The following CHD9 variants were observed in gnomAD, a reference collection of about 807,000 sequenced individuals.
CHD9 encodes the protein ATP-dependent chromatin remodeler CHD9.
Under a neutral mutation model 316.1 loss-of-function variants are expected in CHD9, and 77 were observed. The ratio of observed to expected loss-of-function variants is 0.24; its 90% CI spans 0.20 to 0.29. The LOEUF is 0.29. Ranked by LOEUF, CHD9 falls within the 10% of genes least tolerant of loss-of-function variation. CHD9 has a pLI of 1.00. For synonymous variants in CHD9, 1,129 were observed against 1,158.3 expected (o/e 0.97, Z 0.51); for missense variants, 2,763 against 3,438.1 (o/e 0.80, Z 4.91).
chr16:53,183,715 A>T (rs1454628194), intron 2 of CHD9, among the ~76,000 whole-genome samples: 1 of 152,142 alleles, frequency 6.6e-6, no homozygotes, highest in Non-Finnish European at 1.5e-5. Flanking sequence ...GGAGTTCGAG[A>T]CCAGCCTAGG....
intron 2 of CHD9, among the ~76,000 whole-genome samples, chr16:53,163,369 C>T (rs1388446133): frequency 6.6e-6 from 1 of 152,142 alleles, no homozygotes; most frequent in Non-Finnish European, 1.5e-5. Flanking sequence ...CGCCACCACG[C>T]CCGGCTAATT....
At chr16:53,181,927 A>G (rs991387090) in intron 2 of CHD9, among the ~76,000 whole-genome samples, 17 of 152,102 alleles carry the variant, frequency 1.1e-4, no homozygotes, top group Admixed American at 6.5e-5. Flanking sequence ...TAAAAGTACA[A>G]AACTTAGCCA....
intron 11 of CHD9, among the ~76,000 whole-genome samples, chr16:53,235,931 A>G (rs1293092814): frequency 6.6e-6 from 1 of 152,158 alleles, no homozygotes; most frequent in African/African-American, 2.4e-5. Flanking sequence ...TAAAGGCACT[A>G]CTGTTAGTAA....
At chr16:53,070,489 T>TTTCTTTCC (rs2033926757) in intron 1 of CHD9, among the ~76,000 whole-genome samples, 1 of 144,792 alleles carries the variant, frequency 6.9e-6, no homozygotes, top group Non-Finnish European at 1.5e-5. Flanking sequence ...TCTTTCTTTC[T>TTTCTTTCC]TTCCTTCCTT....
chr16:53,309,278 A>G (rs1410403055), intron 34 of CHD9, among the ~76,000 whole-genome samples: 1 of 152,240 alleles, frequency 6.6e-6, no homozygotes, highest in African/African-American at 2.4e-5. Context: ...ATTCATCCTT[A>G]GGGAATACTT....
Position 53,304,254 on chromosome 16 carries a change from G to T in CHD9, c.6248G>T (p.Gly2083Val). ...TCTGAGCCTGTAAGTCCAAAGAATG[G>T]TGTTTTACCACAGGCTACTGGAGAC... Reference protein sequence around the residue: ...IKSEPVSPKNGVLPQATGDQK... With the variant: ...IKSEPVSPKNVVLPQATGDQK... The change falls in exon 31 of 39, where the codon GGT becomes GTT. Residue 2083 changes from glycine to valine, a missense_variant. This residue lies in a region of CHD9 where 663 missense variants were observed against 751.2 expected (regional missense o/e 0.88). Transcript: ENST00000447540. The T allele has an allele frequency of 6.2e-7, 1 of 1,611,280 alleles. No individual in the cohort carries two copies. The highest frequency in any genetic ancestry group is 1.1e-5 in the South Asian group (1 of 90,812).
Position 53,326,601 on chromosome 16 carries a change from T to C in CHD9, c.*1706T>C, listed in dbSNP as rs961720374. On this transcript the variant is annotated 3_prime_UTR_variant, in exon 39 of 39. Coordinates refer to ENST00000447540, the MANE Select transcript of CHD9 (RefSeq NM_001308319.2). ...CCAAAATAGTACTTTGAATTGATAG[T>C]CCTTTATGCAATGTCTTAGCAATAG... The C allele has an allele frequency of 6.6e-6, 1 of 152,412 alleles. No individual in the cohort carries two copies. Among genetic ancestry groups the C allele is most frequent in the Non-Finnish European group, 1.5e-5 (1 of 67,900 alleles). 9.4% of individuals were successfully genotyped at this position (152,412 alleles called of 1,614,324 possible).
At chr16:53,177,093 T>C (rs1190328573) in intron 2 of CHD9, among the ~76,000 whole-genome samples, 2 of 152,152 alleles carry the variant, frequency 1.3e-5, no homozygotes, top group Non-Finnish European at 2.9e-5. Context: ...GTAGCTGGGA[T>C]TACAGGCACA....
chr16:53,164,314 C>A (rs1186520093), intron 2 of CHD9, among the ~76,000 whole-genome samples: 2 of 152,172 alleles, frequency 1.3e-5, no homozygotes, highest in African/African-American at 4.8e-5. Flanking sequence ...TGGCTCACAT[C>A]TGTAATCCCA....
At chr16:53,249,833 T>C in intron 16 of CHD9, 38 bp from the exon 17 acceptor site, 1 of 1,462,220 alleles carries the variant, frequency 6.8e-7, no homozygotes, top group Non-Finnish European at 9.6e-7. Flanking sequence ...AGTTTTATTA[T>C]ACTTATTTAT....
chr16:53,160,259 C>T (rs775278298), intron 2 of CHD9, among the ~76,000 whole-genome samples: 10 of 152,092 alleles, frequency 6.6e-5, no homozygotes, highest in Non-Finnish European at 1.0e-4. Context: ...CATTTTGATT[C>T]ATGTCTTTTT....
chr16:53,095,637 G>A (rs1255555455), intron 1 of CHD9, among the ~76,000 whole-genome samples: 1 of 152,110 alleles, frequency 6.6e-6, no homozygotes, highest in Non-Finnish European at 1.5e-5. Context: ...ATATTATGTG[G>A]CTAAAACTCA....
intron 1 of CHD9, among the ~76,000 whole-genome samples, chr16:53,097,472 T>C (rs2036484791): frequency 6.6e-6 from 1 of 151,964 alleles, no homozygotes; most frequent in African/African-American, 2.4e-5. Context: ...CGATCATAGC[T>C]CACTGCAGCC....
chr16:53,094,145 C>T (rs1018858737), intron 1 of CHD9, among the ~76,000 whole-genome samples: 2 of 152,182 alleles, frequency 1.3e-5, no homozygotes, highest in Non-Finnish European at 1.5e-5. Flanking sequence ...GGGTTCCCCG[C>T]AGAGCAGGAG....
chr16:53,225,002 G>A (rs531331948), intron 4 of CHD9, among the ~76,000 whole-genome samples: 8 of 152,174 alleles, frequency 5.3e-5, no homozygotes, highest in African/African-American at 1.4e-4. Context: ...AGAGACATTC[G>A]ACCCATCCTA....
chr16:53,189,749 T>C (rs2044328978), intron 2 of CHD9, among the ~76,000 whole-genome samples: 1 of 152,144 alleles, frequency 6.6e-6, no homozygotes, highest in African/African-American at 2.4e-5. Flanking sequence ...TTATAGCCTT[T>C]TATCAGACTT....
intron 2 of CHD9, among the ~76,000 whole-genome samples, chr16:53,188,823 G>T (rs2044253994): frequency 6.6e-6 from 1 of 151,664 alleles, no homozygotes; most frequent in Non-Finnish European, 1.5e-5. Context: ...GACCTCAGGT[G>T]ATCTGCCCAC....
Position 53,304,825 on chromosome 16 carries a change from G to A in CHD9, c.6619+200G>A, listed in dbSNP as rs573661081. The stretch of plus-strand genomic sequence containing the variant: ...CTCTCCTGCCTCAGCCTCCCAAGTA[G>A]CTGGGATTACAGGCATGTGCCACCA... On this transcript the variant is annotated intron_variant, in intron 31 of 38. Transcript: ENST00000447540. 1.1e-3 allele frequency among the ~76,000 whole-genome samples: 171 copies of A among 150,328 alleles called. 1 individual carries two copies. Among genetic ancestry groups the A allele is most frequent in the African/African-American group, 4.0e-3 (163 of 40,870 alleles).
At chr16:53,067,264 A>G (rs554091683) in intron 1 of CHD9, among the ~76,000 whole-genome samples, 8 of 152,120 alleles carry the variant, frequency 5.3e-5, no homozygotes, top group Non-Finnish European at 1.0e-4. Flanking sequence ...AACATCTTAT[A>G]TTGCTATGGT....
Sources: gnomAD v4.1 joint callset for allele counts (sites outside exome capture counted in the v4.1 genomes callset) on GRCh38, gnomAD v4.1.1 for gene constraint, gnomAD v4.1.1 regional missense constraint, MANE v1.5 for transcripts, NCBI Gene and HGNC (gene_info 2026-07-23, HGNC 2026-07-21) for gene names.